Variants in ABCF3 observed in about 807,000 individuals in gnomAD.
ABCF3 encodes ATP-binding cassette sub-family F member 3.
ABCF3 carries 62 observed loss-of-function variants against 94.3 expected under a neutral mutation model. That is an observed-to-expected ratio of 0.66 (90% confidence interval 0.54 to 0.81). ABCF3 has a LOEUF of 0.81. ABCF3 is among the 40% of genes least tolerant of loss of function. ABCF3 has a pLI of 0.00. For synonymous variants in ABCF3, 355 were observed against 361.1 expected (o/e 0.98, Z 0.19); for missense variants, 843 against 925.3 (o/e 0.91, Z 1.15).
chr3:184,193,161 G>A lies in ABCF3; in HGVS notation c.1810G>A (p.Ala604Thr). 1 of 1,567,610 alleles carries A rather than the reference G, an allele frequency of 6.4e-7. No homozygotes were observed. Among genetic ancestry groups the A allele is most frequent in the Non-Finnish European group, 8.6e-7 (1 of 1,157,754 alleles). ...TCGGTATGGCATCTCCGGAGAACTG[G>A]CCATGCGTCCTCTTGCCAGCCTGTC... ...LGRYGISGEL[A>T]MRPLASLSGG... Residue 604 changes from alanine (A) to threonine (T), a missense_variant, in exon 19 of 21, where the codon GCC becomes ACC. Coordinates refer to ENST00000429586, the MANE Select transcript of ABCF3 (RefSeq NM_018358.3). The surrounding 1 kb of genome is among the most constrained non-coding windows in gnomAD (Gnocchi z 5.2).
Position 184,188,325 on chromosome 3 carries a change from C to T in ABCF3, c.754C>T (p.Gln252Ter). The T allele has an allele frequency of 6.2e-7, 1 of 1,614,066 alleles. No homozygotes were observed. Among genetic ancestry groups the T allele is most frequent in the Non-Finnish European group, 8.5e-7 (1 of 1,180,044 alleles). Residue 252 changes from glutamine to a stop codon, truncating the protein, a stop_gained, in exon 7 of 21, where the codon CAG (glutamine) becomes TAG (stop). Transcript: ENST00000429586. LOFTEE classifies it high-confidence loss of function. The stretch of plus-strand genomic sequence containing the variant: ...TGCTGGAGATGACACTCCTGCCCTG[C>T]AGAGTGTGCTGGAGAGTGACAGTGT... ...EVAGDDTPAL[Q>*]SVLESDSVRE...
rs535774904 is a variant in ABCF3, at chr3:184,188,531, C to G, written c.836+124C>G. ...TCAGCAGAGCTTAGAACTTGGCACT[C>G]TGGGACTCAGAAGCCCTTGTTCTTT... On this transcript the variant is annotated intron_variant, in intron 7 of 20. Transcript: ENST00000429586. The G allele has an allele frequency of 1.1e-5, 14 of 1,319,822 alleles. No individual in the cohort carries two copies. In the African/African-American group the frequency reaches 1.6e-4, roughly 15 times the overall value. 81.8% of individuals were successfully genotyped at this position (1,319,822 alleles called of 1,614,324 possible). A position where few individuals can be genotyped will look rare whatever the true frequency, so the allele number is the denominator to read the frequency against.
rs750949781 is a variant in ABCF3 at position 184,193,172 on chromosome 3, T to G, written c.1821T>G (p.Pro607=). ...TCTCCGGAGAACTGGCCATGCGTCC[T>G]CTTGCCAGCCTGTCTGGGGGCCAGA... ...YGISGELAMR[P]LASLSGGQKS... is the part of the protein sequence containing the mutation. Residue 607 remains proline (P), a synonymous_variant, in exon 19 of 21, where the codon CCT becomes CCG. Coordinates refer to ENST00000429586, the MANE Select transcript of ABCF3 (RefSeq NM_018358.3). This position sits in a 1 kb window ranked among gnomAD's most constrained non-coding sequence, Gnocchi z 5.2. 6.4e-7 allele frequency: 1 copy of G among 1,568,410 alleles called. No homozygotes were observed. Among genetic ancestry groups the G allele is most frequent in the South Asian group, 1.2e-5 (1 of 83,030 alleles).
chr3:184,188,159 G>C lies in ABCF3; in HGVS notation c.588G>C (p.Ala196=), dbSNP rs779914897. The change falls in exon 7 of 21, where the codon GCG becomes GCC. Residue 196 remains alanine, a synonymous_variant. Coordinates refer to ENST00000429586, the MANE Select transcript of ABCF3 (RefSeq NM_018358.3). ...CCTGCAGAGTACTGCTGGCTGGAGC[G>C]GATGTGAACCTGGCATGGGGCCGCC... is the stretch of plus-strand genomic sequence containing the variant. ...SFGDRVLLAG[A]DVNLAWGRRY... is the part of the protein sequence containing the mutation. The C allele has an allele frequency of 2.5e-6, 4 of 1,613,826 alleles. No individual in the cohort carries two copies. In the East Asian group the frequency reaches 8.9e-5, roughly 36 times the overall value.
Position 184,192,826 on chromosome 3 carries a change from C to T in ABCF3, c.1680C>T (p.Phe560=). ...HAHRNLKIGY[F]SQHHVEQLDL... is the part of the protein sequence containing the mutation. ...GCAGGAATCTGAAGATTGGCTATTT[C>T]AGCCAGCACCATGTGGAGCAGCTGG... is the stretch of plus-strand genomic sequence containing the variant. The change falls in exon 18 of 21, where the codon TTC becomes TTT. Residue 560 remains phenylalanine, a synonymous_variant. Coordinates refer to ENST00000429586, the MANE Select transcript of ABCF3 (RefSeq NM_018358.3). 1 of 1,614,144 alleles carries T rather than the reference C, an allele frequency of 6.2e-7. No individual in the cohort carries two copies. The highest frequency in any genetic ancestry group is 8.5e-7 in the Non-Finnish European group (1 of 1,179,974).
chr3:184,192,576 G>A lies in ABCF3; in HGVS notation c.1570-25G>A, dbSNP rs1352795551. ...CGTATTTATTTTTCTGGCACACACT[G>A]TATGACATTTTCATGTTTCTTAAGG... On this transcript the variant is annotated intron_variant, in intron 16 of 20. Transcript: ENST00000429586. 5 of 1,599,062 alleles carry A rather than the reference G, an allele frequency of 3.1e-6. No individual in the cohort carries two copies. The East Asian group carries it at 1.1e-4, about 36-fold the overall frequency.
intron 18 of ABCF3, 56 bp downstream of exon 18, chr3:184,192,952 T>A (rs932905240): frequency 1.1e-5 from 18 of 1,599,936 alleles, no homozygotes; most frequent in Non-Finnish European, 1.5e-5. Flanking sequence ...GGGCTGAGGC[T>A]GACCCCGGCA....
In ABCF3 at chr3:184,187,893, G is replaced by C; in HGVS notation, c.479G>C (p.Gly160Ala). ...VLEEASASQAGSRKESRLESS... is the reference protein window; with the variant it reads ...VLEEASASQAASRKESRLESS... ...GAAGAGGCATCAGCCAGCCAGGCAG[G>C]CAGCAGAAAGGAGAGTCGGTTGGAA... The change falls in exon 6 of 21, where the codon GGC becomes GCC. Residue 160 changes from glycine to alanine, a missense_variant. By Grantham distance (60) the Gly-to-Ala change is moderately conservative (BLOSUM62 0). Transcript: ENST00000429586. The C allele has an allele frequency of 6.2e-7, 1 of 1,614,170 alleles. No homozygotes were observed. The highest frequency in any genetic ancestry group is 8.5e-7 in the Non-Finnish European group (1 of 1,180,044).
At position 184,193,514 on chromosome 3, in the gene ABCF3, G is replaced by A. The variant is rs779500186; in HGVS notation, c.1972-26G>A. The A allele has an allele frequency of 4.0e-5, 65 of 1,613,972 alleles. No homozygotes were observed. The highest frequency in any genetic ancestry group is 1.6e-4 in the Middle Eastern group (1 of 6,082). On this transcript the variant is annotated intron_variant, in intron 20 of 20. Transcript: ENST00000429586. The surrounding 1 kb of genome is among the most constrained non-coding windows in gnomAD (Gnocchi z 5.2). Reference sequence around the variant, plus strand: ...CTCGGTGCCTCTTGTGTCCCCCTGAGCACCTCCTGCCCTCCTGTCTTTCAG... The same window carrying A: ...CTCGGTGCCTCTTGTGTCCCCCTGAACACCTCCTGCCCTCCTGTCTTTCAG...
Position 184,188,253 on chromosome 3 carries a change from C to T in ABCF3, c.682C>T (p.Leu228=). ...TLLKMLATRS[L]RVPAHISLLH... ...ACTGAAGATGCTGGCCACCCGGAGT[C>T]TGCGGGTTCCAGCCCACATTTCCCT... Residue 228 remains leucine (L), a synonymous_variant, in exon 7 of 21, where the codon CTG becomes TTG. Coordinates refer to ENST00000429586, the MANE Select transcript of ABCF3 (RefSeq NM_018358.3). The T allele has an allele frequency of 6.2e-7, 1 of 1,614,202 alleles. No homozygotes were observed. Among genetic ancestry groups the T allele is most frequent in the Non-Finnish European group, 8.5e-7 (1 of 1,180,058 alleles).
chr3:184,187,388 C>A lies in ABCF3; in HGVS notation c.302-9C>A. The A allele has an allele frequency of 6.2e-7, 1 of 1,613,862 alleles. No homozygotes were observed. The highest frequency in any genetic ancestry group is 8.5e-7 in the Non-Finnish European group (1 of 1,180,030). The stretch of plus-strand genomic sequence containing the variant: ...GGGAGAAGGTGACTGCTTTTCTTAT[C>A]GCTTACAGACTGTGGAACCAAACTT... On this transcript the variant is annotated splice_polypyrimidine_tract_variant and intron_variant, in intron 3 of 20. Transcript: ENST00000429586.
rs779378473 is a variant in ABCF3 at position 184,186,569 on chromosome 3, G to C, written c.136G>C (p.Glu46Gln). ...GGATGACCTGGTGGAAGCTGTAGGG[G>C]AACTATTGCAAGAGGTGTCCGGGGA... ...SVDDLVEAVGELLQEVSGDSK... is the reference protein window; with the variant it reads ...SVDDLVEAVGQLLQEVSGDSK... Residue 46 changes from glutamate (E) to glutamine (Q), a missense_variant, in exon 2 of 21, where the codon GAA becomes CAA. Coordinates refer to ENST00000429586, the MANE Select transcript of ABCF3 (RefSeq NM_018358.3). The C allele has an allele frequency of 4.5e-4, 732 of 1,614,098 alleles. No individual in the cohort carries two copies. The highest frequency in any genetic ancestry group is 6.1e-4 in the Non-Finnish European group (715 of 1,179,978).
In ABCF3 at chr3:184,193,917, G is replaced by T. The variant is rs571461772; in HGVS notation, c.*219G>T. On this transcript the variant is annotated 3_prime_UTR_variant, in exon 21 of 21. Transcript: ENST00000429586. This position sits in a 1 kb window ranked among gnomAD's most constrained non-coding sequence, Gnocchi z 5.2. The stretch of plus-strand genomic sequence containing the variant: ...TCTCCCGGGGGTGGGGGTCTGGGGG[G>T]TACCCTCTGGGGTTATAGATTCCCC... The T allele has an allele frequency of 1.0e-5, 6 of 589,916 alleles. No individual in the cohort carries two copies. The highest frequency in any genetic ancestry group is 6.1e-5 in the East Asian group (2 of 33,002). 36.5% of individuals were successfully genotyped at this position (589,916 alleles called of 1,614,324 possible). A position where few individuals can be genotyped will look rare whatever the true frequency, so the allele number is the denominator to read the frequency against.
chr3:184,192,969 C>G, intron 18 of ABCF3, 73 bp downstream of exon 18: 1 of 1,590,142 alleles, frequency 6.3e-7, no homozygotes, highest in Non-Finnish European at 8.6e-7. Flanking sequence ...GGCAGCTAGG[C>G]CTGCCTTGGG....
Position 184,193,387 on chromosome 3 carries a change from G to T in ABCF3, c.1906G>T (p.Glu636Ter). ...CAGCCCCAACTTCTACATTCTGGATGAACCCACAAACCACCTGGACATGGA... is the reference window on the plus strand; with the variant it reads ...CAGCCCCAACTTCTACATTCTGGATTAACCCACAAACCACCTGGACATGGA... ...MPCPNFYILD[E>*]PTNHLDMETI... The change falls in exon 20 of 21, where the codon GAA becomes TAA. Residue 636 changes from glutamate (E) to a stop codon, truncating the protein, a stop_gained. Transcript: ENST00000429586. LOFTEE classifies it high-confidence loss of function. The surrounding 1 kb of genome is among the most constrained non-coding windows in gnomAD (Gnocchi z 5.2). 2 of 1,614,136 alleles carry T rather than the reference G, an allele frequency of 1.2e-6. No homozygotes were observed. The highest frequency in any genetic ancestry group is 1.7e-6 in the Non-Finnish European group (2 of 1,180,034).
At position 184,187,057 on chromosome 3, in the gene ABCF3, C is replaced by T. The variant is rs572394463; in HGVS notation, c.301+182C>T. 1.0e-5 allele frequency: 7 copies of T among 673,600 alleles called. No homozygotes were observed. In the African/African-American group the frequency reaches 1.1e-4, roughly 10 times the overall value. 41.7% of individuals were successfully genotyped at this position (673,600 alleles called of 1,614,324 possible). On this transcript the variant is annotated intron_variant, in intron 3 of 20. Transcript: ENST00000429586. ...GGGGTGGGGAGGAGGTTGGAGGGTT[C>T]TCCCTCCAAGCTCTTGGGTAGGATA...
chr3:184,193,467 AC>A lies in ABCF3; in HGVS notation c.1971+18del, dbSNP rs1309215697. On this transcript the variant is annotated intron_variant, in intron 20 of 20. Coordinates refer to ENST00000429586, the MANE Select transcript of ABCF3 (RefSeq NM_018358.3). The surrounding 1 kb of genome is among the most constrained non-coding windows in gnomAD (Gnocchi z 5.2). ...ACAATTTCAGGGTGAGTGTGCCTTC[AC>A]CCTGACCACTCCTCCCAGGCCTCGG... is the stretch of plus-strand genomic sequence containing the variant. The A allele has an allele frequency of 6.2e-7, 1 of 1,613,790 alleles. No individual in the cohort carries two copies. Among genetic ancestry groups the A allele is most frequent in the Admixed American group, 1.7e-5 (1 of 59,978 alleles).
chr3:184,190,232 A>G, intron 14 of ABCF3: 1 of 461,210 alleles, frequency 2.2e-6, no homozygotes, highest in Non-Finnish European at 3.9e-6. Context: ...ACCTGGCGTC[A>G]TGTGTGAGGC....
Position 184,191,295 on chromosome 3 carries a change from C to G in ABCF3, c.1569+40C>G, listed in dbSNP as rs766005967. Reference sequence around the variant, plus strand: ...TCTCTGTGCTGCGAGCTGGGACTCTCCTGTCTAAGTGTGTGGTGTGGATTG... The same window carrying G: ...TCTCTGTGCTGCGAGCTGGGACTCTGCTGTCTAAGTGTGTGGTGTGGATTG... On this transcript the variant is annotated intron_variant, in intron 16 of 20. Transcript: ENST00000429586. The G allele has an allele frequency of 1.1e-5, 17 of 1,611,226 alleles. 1 individual carries two copies. The highest frequency in any genetic ancestry group is 1.0e-4 in the Admixed American group (6 of 59,988).
Sources: gnomAD v4.1 joint callset for allele counts on GRCh38, gnomAD v4.1.1 for gene constraint, Gnocchi (gnomAD v3.1) non-coding constraint, MANE v1.5 for transcripts, NCBI Gene and HGNC (gene_info 2026-07-23, HGNC 2026-07-21) for gene names.